Variants in RBFOX1 observed in about 807,000 individuals in gnomAD.
RBFOX1 encodes the protein RNA binding fox-1 homolog 1, also known as RNA binding protein fox-1 homolog 1.
A neutral mutation model predicts 57.7 loss-of-function variants in RBFOX1; 8 were observed. That is an observed-to-expected ratio of 0.14 (90% CI 0.08 to 0.25). RBFOX1 has a LOEUF of 0.25. Among genes scored for constraint, RBFOX1 ranks in the 10% least tolerant of loss-of-function variants. RBFOX1 has a pLI of 1.00. For missense variants in RBFOX1, 611 were observed against 548.5 expected, an observed-to-expected ratio of 1.11 and a Z score of -1.14; for synonymous variants, 326 against 222.4, an observed-to-expected ratio of 1.47 and a Z score of -4.15.
At chr16:7,427,067 G>C (rs878875237) in intron 4 of RBFOX1, among the ~76,000 whole-genome samples, 1 of 152,154 alleles carries the variant, frequency 6.6e-6, no homozygotes, top group African/African-American at 2.4e-5. Flanking sequence ...TGAACAATGA[G>C]AACACTTGGA....
chr16:7,099,081 T>C (rs901900937), intron 4 of RBFOX1, among the ~76,000 whole-genome samples: 1 of 152,170 alleles, frequency 6.6e-6, no homozygotes, highest in South Asian at 2.1e-4. Context: ...CAAACAGTTA[T>C]GGTGAAAGTT....
At chr16:7,156,101 G>A (rs1182682678) in intron 4 of RBFOX1, among the ~76,000 whole-genome samples, 1 of 151,704 alleles carries the variant, frequency 6.6e-6, no homozygotes, top group African/African-American at 2.4e-5. Flanking sequence ...CAAACTCCTG[G>A]GCTTAAGCAA....
chr16:6,176,414 C>A (rs1417335091), intron 1 of RBFOX1, among the ~76,000 whole-genome samples: 1 of 151,426 alleles, frequency 6.6e-6, no homozygotes, highest in African/African-American at 2.4e-5. Flanking sequence ...CCGCCTCAGC[C>A]TCCCAAAGTG....
intron 2 of RBFOX1, among the ~76,000 whole-genome samples, chr16:6,619,167 G>C (rs1223554175): frequency 7.1e-6 from 1 of 141,656 alleles, no homozygotes; most frequent in African/African-American, 2.5e-5. Flanking sequence ...AGCCAGGAAG[G>C]AGAAAAAAAA....
rs370421510 is a variant in RBFOX1, at chr16:5,979,018, C to G, written c.351+111683C>G. 7.6e-4 allele frequency among the ~76,000 whole-genome samples: 116 copies of G among 152,284 alleles called. 1 individual carries two copies. The highest frequency in any genetic ancestry group is 2.7e-3 in the African/African-American group (111 of 41,556). ...CTAAGAAAGTTACTAGGCCTAGGCCCCTCTCGCCTTCTCCTCCATTTTTGC... is the reference window on the plus strand; with the variant it reads ...CTAAGAAAGTTACTAGGCCTAGGCCGCTCTCGCCTTCTCCTCCATTTTTGC... On this transcript the variant is annotated intron_variant, in intron 4 of 19. Transcript: ENST00000641259.
intron 3 of RBFOX1, among the ~76,000 whole-genome samples, chr16:6,858,965 A>G (rs1038371623): frequency 1.5e-4 from 23 of 151,638 alleles, no homozygotes; most frequent in Non-Finnish European, 1.6e-4. Context: ...AAAGGTAGGT[A>G]AAAACACATG....
At chr16:6,333,330 C>G (rs1480406595) in intron 2 of RBFOX1, among the ~76,000 whole-genome samples, 1 of 152,326 alleles carries the variant, frequency 6.6e-6, no homozygotes, top group East Asian at 1.9e-4. Flanking sequence ...CAGGTGTGAG[C>G]CACTGCGCCC....
intron 1 of RBFOX1, among the ~76,000 whole-genome samples, chr16:6,311,777 G>C (rs888425697): frequency 6.6e-6 from 1 of 152,148 alleles, no homozygotes; most frequent in African/African-American, 2.4e-5. Context: ...ATTCCCATGG[G>C]GAGGGCTTCT....
chr16:7,144,177 G>A (rs1311164741), intron 4 of RBFOX1, among the ~76,000 whole-genome samples: 1 of 152,042 alleles, frequency 6.6e-6, no homozygotes, highest in African/African-American at 2.4e-5. Flanking sequence ...GAAAGGACAT[G>A]GATAGACGGA....
At chr16:5,454,805 T>C (rs1316488524) in intron 1 of RBFOX1, among the ~76,000 whole-genome samples, 1 of 151,096 alleles carries the variant, frequency 6.6e-6, no homozygotes, top group East Asian at 1.9e-4. Flanking sequence ...CTTTCTTTCT[T>C]TCCCTTTCCT....
At chr16:7,343,127 A>T (rs891865657) in intron 4 of RBFOX1, among the ~76,000 whole-genome samples, 7 of 152,118 alleles carry the variant, frequency 4.6e-5, no homozygotes, top group Non-Finnish European at 8.8e-5. Flanking sequence ...CCCCTGTTCC[A>T]TGCAGCTCTG....
At chr16:6,919,375 G>C (rs1478835254) in intron 3 of RBFOX1, among the ~76,000 whole-genome samples, 1 of 151,948 alleles carries the variant, frequency 6.6e-6, no homozygotes, top group South Asian at 2.1e-4. Flanking sequence ...CAGCCCAGCA[G>C]TTTAGGTTCT....
intron 1 of RBFOX1, among the ~76,000 whole-genome samples, chr16:6,179,897 T>C (rs1250183544): frequency 6.6e-6 from 1 of 152,190 alleles, no homozygotes; most frequent in East Asian, 1.9e-4. Context: ...AGGAAGTTCT[T>C]TCTATTCCTC....
intron 5 of RBFOX1, 127 bp downstream of exon 5, chr16:7,518,516 C>A (rs867833320): frequency 8.1e-7 from 1 of 1,233,654 alleles, no homozygotes; most frequent in Non-Finnish European, 1.1e-6. Flanking sequence ...TAAGCCCACC[C>A]TCATCATACC....
chr16:7,696,715 G>T (rs887231563), intron 14 of RBFOX1, among the ~76,000 whole-genome samples: 4 of 152,104 alleles, frequency 2.6e-5, no homozygotes, highest in Admixed American at 2.6e-4. Flanking sequence ...TATATGCATA[G>T]TAAGTTATGT....
chr16:7,274,798 G>A (rs1208208507), intron 4 of RBFOX1, among the ~76,000 whole-genome samples: 1 of 151,834 alleles, frequency 6.6e-6, no homozygotes, highest in Non-Finnish European at 1.5e-5. Flanking sequence ...GATTCTCATG[G>A]CTCAGCCTCC....
intron 1 of RBFOX1, among the ~76,000 whole-genome samples, chr16:5,395,896 G>C (rs1186083226): frequency 6.6e-6 from 1 of 152,194 alleles, no homozygotes; most frequent in African/African-American, 2.4e-5. Flanking sequence ...TGAAGCCGTT[G>C]GTCCTGCAGC....
At chr16:6,061,827 G>T (rs113817785) in intron 1 of RBFOX1, among the ~76,000 whole-genome samples, 4 of 152,224 alleles carry the variant, frequency 2.6e-5, no homozygotes, top group African/African-American at 7.2e-5. Flanking sequence ...TACCAATGGG[G>T]TGTCCTATAA....
chr16:7,104,321 T>C (rs2063196398), intron 4 of RBFOX1, among the ~76,000 whole-genome samples: 1 of 152,174 alleles, frequency 6.6e-6, no homozygotes, highest in Admixed American at 6.6e-5. Context: ...TTAGTTGATG[T>C]AACTTCTCCT....
Sources: gnomAD v4.1 joint callset for allele counts (sites outside exome capture counted in the v4.1 genomes callset) on GRCh38, gnomAD v4.1.1 for gene constraint, MANE v1.5 for transcripts, NCBI Gene and HGNC (gene_info 2026-07-23, HGNC 2026-07-21) for gene names.